Variants in FRMD6 observed in about 807,000 individuals in gnomAD.
The protein encoded by FRMD6 is FERM domain containing 6.
In FRMD6, 37 loss-of-function variants were observed where a neutral mutation model predicts 73.2. The ratio of observed to expected loss-of-function variants is 0.51; its 90% CI spans 0.39 to 0.66. The LOEUF is 0.66. Among genes scored for constraint, FRMD6 ranks in the 30% least tolerant of loss-of-function variants. The pLI, the probability that FRMD6 is intolerant of heterozygous loss-of-function variation, is 0.00. For synonymous variants in FRMD6, 273 were observed against 282.2 expected (o/e 0.97, Z 0.33); for missense variants, 714 against 780.5 (o/e 0.91, Z 1.02).
At chr14:51,709,477 T>G (rs1433593242) in intron 7 of FRMD6, among the ~76,000 whole-genome samples, 4 of 152,194 alleles carry the variant, frequency 2.6e-5, no homozygotes, top group African/African-American at 9.6e-5. Flanking sequence ...GCTAGACCAT[T>G]GGAAACTGGG....
chr14:51,564,031 T>C (rs1887638105), intron 1 of FRMD6, among the ~76,000 whole-genome samples: 1 of 152,220 alleles, frequency 6.6e-6, no homozygotes, highest in African/African-American at 2.4e-5. Flanking sequence ...TTTCTGGGTA[T>C]GCAGCTAGGT....
intron 1 of FRMD6, among the ~76,000 whole-genome samples, chr14:51,521,782 C>T (rs1884969310): frequency 6.6e-6 from 1 of 151,120 alleles, no homozygotes; most frequent in South Asian, 2.1e-4. Flanking sequence ...AGGCTTAATA[C>T]ATATTGTGGA....
intron 2 of FRMD6, among the ~76,000 whole-genome samples, chr14:51,594,381 T>C (rs1375561868): frequency 6.6e-6 from 1 of 151,832 alleles, no homozygotes; most frequent in Non-Finnish European, 1.5e-5. Context: ...CAGGCTGGAG[T>C]GCAATGGTGC....
In FRMD6 at chr14:51,725,780, G is replaced by A; in HGVS notation, c.1494G>A (p.Gly498=). The change falls in exon 13 of 14, where the codon GGG becomes GGA. Residue 498 remains glycine (G), a splice_region_variant and synonymous_variant. Coordinates refer to ENST00000344768, the MANE Select transcript of FRMD6 (RefSeq NM_001267046.2). ...TTTTATCTCTGTGTTTTATTTCAGG[G>A]TTGATTGTGAAAGAAATTGGGTCTT... is the stretch of plus-strand genomic sequence containing the variant. ...LMSRKLNGHS[G]LIVKEIGSST... is the part of the protein sequence containing the mutation. 6.2e-7 allele frequency: 1 copy of A among 1,610,030 alleles called. No homozygotes were observed. Among genetic ancestry groups the A allele is most frequent in the South Asian group, 1.1e-5 (1 of 90,986 alleles).
chr14:51,447,563 G>A, the FRMD6 span, among the ~76,000 whole-genome samples: 1 of 152,206 alleles, frequency 6.6e-6, no homozygotes, highest in Non-Finnish European at 1.5e-5. Context: ...CAGGGCAGCA[G>A]TTACAAATGT....
chr14:51,528,973 G>T (rs1267672958), intron 1 of FRMD6, among the ~76,000 whole-genome samples: 1 of 152,152 alleles, frequency 6.6e-6, no homozygotes, highest in Non-Finnish European at 1.5e-5. Context: ...TAATTGGAAA[G>T]CATCCTCCAG....
chr14:51,411,605 G>A, the FRMD6 span, among the ~76,000 whole-genome samples: 1 of 152,274 alleles, frequency 6.6e-6, no homozygotes, highest in South Asian at 2.1e-4. Flanking sequence ...CATTACAATT[G>A]CATGCATCAA....
the FRMD6 span, among the ~76,000 whole-genome samples, chr14:51,424,042 A>T: frequency 3.8e-3 from 576 of 152,368 alleles, 7 homozygotes; most frequent in Admixed American, 9.3e-3. Context: ...ATTGTATGTC[A>T]TATGGTTTAG....
the FRMD6 span, among the ~76,000 whole-genome samples, chr14:51,402,485 C>T: frequency 6.6e-6 from 1 of 152,134 alleles, no homozygotes; most frequent in Admixed American, 6.5e-5. Context: ...CTGCAAAAGC[C>T]CTCTCTTTGC....
intron 1 of FRMD6, among the ~76,000 whole-genome samples, chr14:51,547,250 C>G (rs879467655): frequency 1.3e-5 from 2 of 152,144 alleles, no homozygotes; most frequent in Non-Finnish European, 2.9e-5. Flanking sequence ...GCACAAAACC[C>G]TCTACCCTAG....
intron 7 of FRMD6, among the ~76,000 whole-genome samples, chr14:51,710,547 A>T (rs1274203084): frequency 6.6e-6 from 1 of 152,144 alleles, no homozygotes; most frequent in Non-Finnish European, 1.5e-5. Flanking sequence ...GTTTTTCTTG[A>T]TGTAAAAATA....
At chr14:51,400,717 G>C in the FRMD6 span, among the ~76,000 whole-genome samples, 16 of 152,238 alleles carry the variant, frequency 1.1e-4, no homozygotes, top group African/African-American at 3.9e-4. Flanking sequence ...CAACTACTGG[G>C]AATAAACATG....
At chr14:51,422,443 GATAA>G in the FRMD6 span, among the ~76,000 whole-genome samples, 2 of 152,068 alleles carry the variant, frequency 1.3e-5, no homozygotes, top group Non-Finnish European at 2.9e-5. Flanking sequence ...GTACATGACT[GATAA>G]ATAAACCAAT....
At chr14:51,621,617 T>A (rs555038726) in intron 2 of FRMD6, among the ~76,000 whole-genome samples, 37 of 152,332 alleles carry the variant, frequency 2.4e-4, no homozygotes, top group Middle Eastern at 6.8e-3. Context: ...GCTTACAGAT[T>A]CTTGCATCTC....
chr14:51,700,411 G>A (rs1350698405), intron 3 of FRMD6, among the ~76,000 whole-genome samples: 1 of 152,056 alleles, frequency 6.6e-6, no homozygotes, highest in Non-Finnish European at 1.5e-5. Context: ...TGGAAGGGAT[G>A]TTTTGGCATC....
At chr14:51,693,504 T>A (rs1280851120) in intron 2 of FRMD6, among the ~76,000 whole-genome samples, 1 of 152,146 alleles carries the variant, frequency 6.6e-6, no homozygotes, top group Non-Finnish European at 1.5e-5. Context: ...ATTTTCTAGT[T>A]GTTTTGTTTT....
chr14:51,571,633 G>A (rs1053913365), intron 2 of FRMD6, among the ~76,000 whole-genome samples: 3 of 152,104 alleles, frequency 2.0e-5, no homozygotes, highest in Admixed American at 1.3e-4. Flanking sequence ...TGAAGATGAT[G>A]CCTCATTTGC....
intron 11 of FRMD6, among the ~76,000 whole-genome samples, chr14:51,721,443 C>A (rs551648260): frequency 6.6e-6 from 1 of 152,202 alleles, no homozygotes; most frequent in African/African-American, 2.4e-5. Flanking sequence ...AACCTCATCT[C>A]TGCTAAAAAT....
intron 5 of FRMD6, 28 bp downstream of exon 5, chr14:51,702,616 G>A (rs960627474): frequency 5.1e-6 from 8 of 1,573,302 alleles, no homozygotes; most frequent in South Asian, 2.3e-5. Flanking sequence ...GATTCTAAAC[G>A]CTTTTTTTTC....
Sources: gnomAD v4.1 joint callset for allele counts (sites outside exome capture counted in the v4.1 genomes callset) on GRCh38, gnomAD v4.1.1 for gene constraint, MANE v1.5 for transcripts, NCBI Gene and HGNC (gene_info 2026-07-23, HGNC 2026-07-21) for gene names.